The following GART variants were observed in gnomAD, a reference collection of about 807,000 sequenced individuals.
GART encodes the protein phosphoribosylglycinamide formyltransferase, phosphoribosylglycinamide synthetase, phosphoribosylaminoimidazole synthetase, also known as trifunctional purine biosynthetic protein adenosine-3.
A neutral mutation model predicts 107.2 loss-of-function variants in GART; 43 were observed. The ratio of observed to expected loss-of-function variants is 0.40; its 90% confidence interval spans 0.31 to 0.52. The LOEUF is 0.52. GART is among the 20% of genes least tolerant of loss of function. GART has a pLI of 0.52. For synonymous variants in GART, 434 were observed against 427.0 expected (o/e 1.02, Z -0.20); for missense variants, 1,107 against 1,206.5 (o/e 0.92, Z 1.22).
chr21:33,537,364 C>T (rs2085325537), intron 2 of GART, among the ~76,000 whole-genome samples: 1 of 152,168 alleles, frequency 6.6e-6, no homozygotes, highest in Non-Finnish European at 1.5e-5. Flanking sequence ...CTTGTTGGGT[C>T]CATGCTCTTC....
At chr21:33,535,343 A>AC in intron 2 of GART, 23 bp from the exon 3 acceptor site, 1 of 1,408,730 alleles carries the variant, frequency 7.1e-7, no homozygotes, top group Non-Finnish European at 9.5e-7. Flanking sequence ...AAAAAAAAAA[A>AC]AAAACCACTG....
At position 33,520,403 on chromosome 21, in the gene GART, T is replaced by A. The variant is rs760101056; in HGVS notation, c.1663A>T (p.Ile555Phe). ...CCAGCTTTTCCACAAGCTTTAGCAA[T>A]TCCAGCAACAACAGCTTCAGTTACA... is the stretch of plus-strand genomic sequence containing the variant. ...LSVTEAVVAG[I>F]AKACGKAGCA... The change falls in exon 14 of 22, where the codon ATT (isoleucine) becomes TTT (phenylalanine). Residue 555 changes from isoleucine to phenylalanine, a missense_variant. Physicochemically the swap from Ile to Phe is conservative, Grantham distance 21. Transcript: ENST00000381815. The A allele has an allele frequency of 1.2e-6, 2 of 1,614,132 alleles. No individual in the cohort carries two copies. Among genetic ancestry groups the A allele is most frequent in the Non-Finnish European group, 1.7e-6 (2 of 1,179,998 alleles).
intron 21 of GART, 48 bp downstream of exon 21, chr21:33,504,364 T>C: frequency 2.5e-6 from 4 of 1,609,280 alleles, no homozygotes; most frequent in Non-Finnish European, 3.4e-6. Context: ...GCCAGTGTCA[T>C]TTACATCTGA....
chr21:33,506,167 G>C, intron 18 of GART, 63 bp from the exon 19 acceptor site: 7 of 1,551,178 alleles, frequency 4.5e-6, no homozygotes, highest in Non-Finnish European at 6.1e-6. Flanking sequence ...TTTTGAGAGG[G>C]AGTCTCACTC....
intron 13 of GART, 118 bp from the exon 14 acceptor site, chr21:33,520,680 A>C (rs2084957254): frequency 1.1e-6 from 1 of 908,946 alleles, no homozygotes; most frequent in Non-Finnish European, 1.7e-6. Context: ...CTGACAAGCT[A>C]CTTGGTCTAA....
upstream of GART, chr21:33,542,810 G>A (rs558493942): frequency 2.9e-5 from 15 of 522,954 alleles, no homozygotes; most frequent in African/African-American, 5.7e-5. Context: ...GTCGCCTCAA[G>A]AGAGACGGCT....
intron 10 of GART, among the ~76,000 whole-genome samples, chr21:33,527,393 C>T (rs909956144): frequency 1.3e-5 from 2 of 152,134 alleles, no homozygotes; most frequent in Non-Finnish European, 2.9e-5. Flanking sequence ...GTAGCATACA[C>T]CTGTAATCCA....
chr21:33,514,203 G>A (rs556875547), intron 16 of GART, among the ~76,000 whole-genome samples: 2 of 152,076 alleles, frequency 1.3e-5, no homozygotes, highest in Admixed American at 6.6e-5. Context: ...AGGACGTTGG[G>A]GCAATAGTGA....
At chr21:33,533,668 G>A (rs1423444957) in intron 4 of GART, among the ~76,000 whole-genome samples, 1 of 152,138 alleles carries the variant, frequency 6.6e-6, no homozygotes, top group Non-Finnish European at 1.5e-5. Context: ...ACTTTGGGAG[G>A]CAGAGAGAGG....
intron 1 of GART, among the ~76,000 whole-genome samples, chr21:33,541,615 C>T (rs928915739): frequency 2.6e-4 from 39 of 152,242 alleles, no homozygotes; most frequent in African/African-American, 8.9e-4. Flanking sequence ...AGACGCTGCC[C>T]CATACTAGCA....
intron 4 of GART, among the ~76,000 whole-genome samples, chr21:33,533,922 T>C (rs1424160337): frequency 7.3e-6 from 1 of 136,626 alleles, no homozygotes; most frequent in Non-Finnish European, 1.6e-5. Flanking sequence ...GGGGTGGTGG[T>C]GGGGGGCGGG....
chr21:33,533,724 G>C (rs2085243621), intron 4 of GART, among the ~76,000 whole-genome samples: 1 of 152,064 alleles, frequency 6.6e-6, no homozygotes, highest in African/African-American at 2.4e-5. Context: ...GGGAAACATG[G>C]TAAAACTCCG....
chr21:33,539,098 G>C lies in GART; in HGVS notation c.145+73C>G, dbSNP rs1401323393. ...CCCAGCCTATCTTTATTAACATAAA[G>C]TACAGATATGGTTGACAGCATACCA... On this transcript the variant is annotated intron_variant, in intron 2 of 21. Transcript: ENST00000381815. 4.2e-6 allele frequency: 6 copies of C among 1,436,424 alleles called. 1 individual carries two copies. The highest frequency in any genetic ancestry group is 1.4e-5 in the African/African-American group (1 of 70,288). 89.0% of individuals were successfully genotyped at this position (1,436,424 alleles called of 1,614,324 possible).
rs1351917656 is a variant in GART at position 33,509,537 on chromosome 21, T to C, written c.2452+246A>G. 2.2e-5 allele frequency: 8 copies of C among 360,762 alleles called. No individual in the cohort carries two copies. The East Asian group carries it at 2.6e-4, about 12-fold the overall frequency. The allele number at this position is 360,762 out of a possible 1,614,324, so 22.3% of individuals were successfully genotyped here. On this transcript the variant is annotated intron_variant, in intron 18 of 21. Coordinates refer to ENST00000381815, the MANE Select transcript of GART (RefSeq NM_000819.5). ...CAAAGCTATGATACAAAATGAGCTG[T>C]AGCTTCTATCTTTTCTGGTTTCTCT...
Position 33,528,351 on chromosome 21 carries a change from C to G in GART, c.898-16G>C, listed in dbSNP as rs779488256. 9 of 1,612,160 alleles carry G rather than the reference C, an allele frequency of 5.6e-6. No homozygotes were observed. The highest frequency in any genetic ancestry group is 1.7e-5 in the Admixed American group (1 of 59,930). ...GGAGGATTACCTGGAAAAACATAAT[C>G]CACATGGCAGGTGGGATAAATTTTA... is the stretch of plus-strand genomic sequence containing the variant. On this transcript the variant is annotated splice_polypyrimidine_tract_variant and intron_variant, in intron 9 of 21. Transcript: ENST00000381815.
chr21:33,530,538 A>G (rs2085165568), intron 7 of GART, among the ~76,000 whole-genome samples: 1 of 152,246 alleles, frequency 6.6e-6, no homozygotes, highest in African/African-American at 2.4e-5. Context: ...TATTCAACCC[A>G]TACTATACTT....
In GART at chr21:33,509,929, C is replaced by A; in HGVS notation, c.2315-9G>T. On this transcript the variant is annotated splice_polypyrimidine_tract_variant and intron_variant, in intron 17 of 21. Transcript: ENST00000381815. Reference sequence around the variant, plus strand: ...TTTCACACGTGGGGAACCTTCATTTCAAACATATCCATAAATAAGTAAAGA... The same window carrying A: ...TTTCACACGTGGGGAACCTTCATTTAAAACATATCCATAAATAAGTAAAGA... 6.3e-7 allele frequency: 1 copy of A among 1,599,226 alleles called. No individual in the cohort carries two copies. The highest frequency in any genetic ancestry group is 8.5e-7 in the Non-Finnish European group (1 of 1,173,692).
Position 33,535,330 on chromosome 21 carries a change from G to GAAAAA in GART, c.146-15_146-11dup. 12 of 365,868 alleles carry GAAAAA rather than the reference G, an allele frequency of 3.3e-5. No homozygotes were observed. The highest frequency in any genetic ancestry group is 4.0e-5 in the South Asian group (1 of 24,768). The allele number at this position is 365,868 out of a possible 1,614,324, so 22.7% of individuals were successfully genotyped here. ...TCACTGATTGAGATGGCTGTAAACA[G>GAAAAA]AAAAAAAAAAAAAAAAACCACTGCA... On this transcript the variant is annotated splice_polypyrimidine_tract_variant and intron_variant, in intron 2 of 21. Coordinates refer to ENST00000381815, the MANE Select transcript of GART (RefSeq NM_000819.5).
chr21:33,519,954 C>T (rs746370898), intron 14 of GART, among the ~76,000 whole-genome samples: 11 of 151,668 alleles, frequency 7.3e-5, no homozygotes, highest in Non-Finnish European at 1.5e-4. Flanking sequence ...ATTTATGTCA[C>T]TCTATGGGAA....
Sources: gnomAD v4.1 joint callset for allele counts (sites outside exome capture counted in the v4.1 genomes callset) on GRCh38, gnomAD v4.1.1 for gene constraint, MANE v1.5 for transcripts, NCBI Gene and HGNC (gene_info 2026-07-23, HGNC 2026-07-21) for gene names.